AGAP1: variants seen among roughly 807,000 people sequenced by gnomAD.
The protein encoded by AGAP1 is arf-GAP with GTPase, ANK repeat and PH domain-containing protein 1.
Under a neutral mutation model 105.3 loss-of-function variants are expected in AGAP1, and 29 were observed. The ratio of observed to expected loss-of-function variants is 0.28; its 90% confidence interval spans 0.21 to 0.38. AGAP1 has a LOEUF of 0.38. Among genes scored for constraint, AGAP1 ranks in the 10% least tolerant of loss-of-function variants. The pLI is 1.00. For synonymous variants in AGAP1, 509 were observed against 485.9 expected (o/e 1.05, Z -0.63); for missense variants, 998 against 1,165.1 (o/e 0.86, Z 2.09).
At chr2:236,074,120 A>G (rs564956664) in intron 16 of AGAP1, among the ~76,000 whole-genome samples, 15 of 152,176 alleles carry the variant, frequency 9.9e-5, no homozygotes, top group Non-Finnish European at 1.0e-4. Context: ...AGGTTTCTCC[A>G]TTGCATACCA....
rs1336312810 is a variant in AGAP1, at chr2:235,717,585, A to G, written c.251A>G (p.Lys84Arg). The G allele has an allele frequency of 6.2e-7, 1 of 1,603,332 alleles. No individual in the cohort carries two copies. The highest frequency in any genetic ancestry group is 1.3e-5 in the African/African-American group (1 of 74,458). ...VGIVGNLASGKSALVHRYLTG... is the reference protein window; with the variant it reads ...VGIVGNLASGRSALVHRYLTG... ...ATTGTGGGTAACTTGGCCAGCGGCA[A>G]GTCTGCCCTGGTGCACCGGTACCTG... The change falls in exon 3 of 18, where the codon AAG becomes AGG. Residue 84 changes from lysine (K) to arginine (R), a missense_variant. By Grantham distance (26) the Lys-to-Arg change is conservative (BLOSUM62 2). Around this residue, in one of 3 missense-constraint regions of AGAP1, gnomAD observed 735 missense variants for 833.4 expected, o/e 0.88. Transcript: ENST00000304032.
rs571098797 is a variant in AGAP1, at chr2:235,825,284, T to C, written c.1050+17953T>C. On this transcript the variant is annotated intron_variant, in intron 9 of 17. Transcript: ENST00000304032. The stretch of plus-strand genomic sequence containing the variant: ...AATGTGAAAGATGCAGAAACCGTTA[T>C]CCTTTTGAATTTCCAGTGGAAGATC... Among the ~76,000 whole-genome samples, 31 of 152,340 alleles carry C rather than the reference T, an allele frequency of 2.0e-4. 1 individual carries two copies. In the South Asian group the frequency reaches 6.0e-3, roughly 30 times the overall value.
rs138158033 is a variant in AGAP1 at position 235,659,419 on chromosome 2, C to T, written c.164-49760C>T. ...TTGGCTTTGGTGCACTGGGAAGGGG[C>T]GTCAGCTGGGCAGGCTGAGCCTGTC... On this transcript the variant is annotated intron_variant, in intron 1 of 17. Coordinates refer to ENST00000304032, the MANE Select transcript of AGAP1 (RefSeq NM_001037131.3). The surrounding 1 kb of genome is among the most constrained non-coding windows in gnomAD (Gnocchi z 5.0). 3.3e-4 allele frequency among the ~76,000 whole-genome samples: 50 copies of T among 152,272 alleles called. No individual in the cohort carries two copies. The East Asian group carries it at 4.1e-3, about 12-fold the overall frequency.
chr2:235,944,872 A>G (rs2053419092), intron 12 of AGAP1, among the ~76,000 whole-genome samples: 1 of 152,098 alleles, frequency 6.6e-6, no homozygotes, highest in Non-Finnish European at 1.5e-5. Context: ...TTATCATCCT[A>G]CACCACCTTC....
At chr2:236,079,021 G>T (rs967148002) in intron 16 of AGAP1, among the ~76,000 whole-genome samples, 4 of 145,578 alleles carry the variant, frequency 2.7e-5, no homozygotes, top group African/African-American at 1.0e-4. Context: ...CGGGGCTGGG[G>T]TGTAGGAGGT....
rs1246208780 is a variant in AGAP1, at chr2:235,843,094, G to C, written c.1050+35763G>C. 6.6e-6 allele frequency among the ~76,000 whole-genome samples: 1 copy of C among 152,178 alleles called. No homozygotes were observed. The highest frequency in any genetic ancestry group is 1.9e-4 in the East Asian group (1 of 5,186). ...ATGAAACAGAAGTGCTCATTGTCCT[G>C]TTGCCACCCTTGTCGGTTTTTCACC... On this transcript the variant is annotated intron_variant, in intron 9 of 17. Transcript: ENST00000304032. The surrounding 1 kb of genome is among the most constrained non-coding windows in gnomAD (Gnocchi z 5.9).
intron 9 of AGAP1, among the ~76,000 whole-genome samples, chr2:235,841,137 G>A (rs372957753): frequency 2.6e-4 from 40 of 152,258 alleles, no homozygotes; most frequent in African/African-American, 8.4e-4. Context: ...TGAACGATGA[G>A]CAGGAGGGAG....
At chr2:235,748,507 C>T (rs899093055) in intron 5 of AGAP1, among the ~76,000 whole-genome samples, 1 of 152,146 alleles carries the variant, frequency 6.6e-6, no homozygotes, top group Non-Finnish European at 1.5e-5. Flanking sequence ...GACGAGGTGC[C>T]CTTTGACCGT....
chr2:236,116,188 C>G (rs2059765850), intron 16 of AGAP1, among the ~76,000 whole-genome samples: 1 of 152,182 alleles, frequency 6.6e-6, no homozygotes, highest in Admixed American at 6.5e-5. Flanking sequence ...TCTTGGCTCA[C>G]TGCATCCTCC....
Position 235,973,750 on chromosome 2 carries a change from C to T in AGAP1, c.1645+5127C>T, listed in dbSNP as rs2054748278. On this transcript the variant is annotated intron_variant, in intron 13 of 17. Coordinates refer to ENST00000304032, the MANE Select transcript of AGAP1 (RefSeq NM_001037131.3). This position sits in a 1 kb window ranked among gnomAD's most constrained non-coding sequence, Gnocchi z 4.7. ...AAAGCTCTAGAAAAAGCTCTACGAA[C>T]CAGGGCCACCTGAGAGGGAGTGACC... 6.6e-6 allele frequency among the ~76,000 whole-genome samples: 1 copy of T among 152,186 alleles called. No individual in the cohort carries two copies. Among genetic ancestry groups the T allele is most frequent in the Non-Finnish European group, 1.5e-5 (1 of 68,042 alleles).
chr2:235,766,122 T>C (rs1954931114), intron 6 of AGAP1, among the ~76,000 whole-genome samples: 1 of 152,252 alleles, frequency 6.6e-6, no homozygotes, highest in African/African-American at 2.4e-5. Context: ...AACTTGGTAG[T>C]GAGCTAAAAT....
rs1957509093 is a variant in AGAP1 at position 235,801,805 on chromosome 2, ACTCATT to A, written c.957+2288_957+2293del. 6.6e-6 allele frequency among the ~76,000 whole-genome samples: 1 copy of A among 151,562 alleles called. No individual in the cohort carries two copies. The highest frequency in any genetic ancestry group is 6.6e-5 in the Admixed American group (1 of 15,226). On this transcript the variant is annotated intron_variant, in intron 8 of 17. Coordinates refer to ENST00000304032, the MANE Select transcript of AGAP1 (RefSeq NM_001037131.3). This position sits in a 1 kb window ranked among gnomAD's most constrained non-coding sequence, Gnocchi z 6.0. ...GTTAAGGGAGTGGAAGGGGGAGAGC[ACTCATT>A]CTCAGACGCCTTCTGAGGGCCACAT...
intron 13 of AGAP1, among the ~76,000 whole-genome samples, chr2:236,006,243 G>C (rs2056318775): frequency 6.6e-6 from 1 of 152,060 alleles, no homozygotes; most frequent in Non-Finnish European, 1.5e-5. Flanking sequence ...TCTTTTGTTT[G>C]AGCACTTTCC....
chr2:235,758,640 TCATATTTGAA>T (rs1383008783), intron 6 of AGAP1, among the ~76,000 whole-genome samples: 2 of 152,166 alleles, frequency 1.3e-5, no homozygotes, highest in Non-Finnish European at 2.9e-5. Context: ...TTAAGGGGGT[TCATATTTGAA>T]CATTTTCTGA....
intron 10 of AGAP1, among the ~76,000 whole-genome samples, chr2:235,899,026 G>A (rs114372926): frequency 1.1e-4 from 16 of 152,254 alleles, no homozygotes; most frequent in African/African-American, 1.7e-4. Flanking sequence ...GCAATGCATG[G>A]GAAAAATACG....
intron 16 of AGAP1, among the ~76,000 whole-genome samples, chr2:236,066,477 C>T (rs1418989660): frequency 6.6e-6 from 1 of 152,132 alleles, no homozygotes; most frequent in Non-Finnish European, 1.5e-5. Context: ...CCACCCGCGT[C>T]GGCCTCCCAA....
chr2:236,047,116 G>A (rs1489642874), intron 15 of AGAP1, among the ~76,000 whole-genome samples: 1 of 151,552 alleles, frequency 6.6e-6, no homozygotes, highest in Admixed American at 6.6e-5. Flanking sequence ...CTCAAAAAAA[G>A]AGTAGTACTC....
At position 235,773,919 on chromosome 2, in the gene AGAP1, C is replaced by T. The variant is rs116430303; in HGVS notation, c.673+23431C>T. 2,728 of 462,928 alleles carry T rather than the reference C, an allele frequency of 5.9e-3. 54 individuals carry two copies. Among genetic ancestry groups the T allele is most frequent in the African/African-American group, 0.051 (2,530 of 49,610 alleles). The allele number at this position is 462,928 out of a possible 1,614,324, so 28.7% of individuals were successfully genotyped here. A position where few individuals can be genotyped will look rare whatever the true frequency, so the allele number is the denominator to read the frequency against. Reference sequence around the variant, plus strand: ...TTCTTTTCTTGCTTGAGATATTTTACGTTTGAAGACAATCAACTCTTCATC... The same window carrying T: ...TTCTTTTCTTGCTTGAGATATTTTATGTTTGAAGACAATCAACTCTTCATC... On this transcript the variant is annotated intron_variant, in intron 6 of 17. Coordinates refer to ENST00000304032, the MANE Select transcript of AGAP1 (RefSeq NM_001037131.3).
chr2:235,685,727 C>A (rs140443853), intron 1 of AGAP1, among the ~76,000 whole-genome samples: 326 of 152,102 alleles, frequency 2.1e-3, no homozygotes, highest in African/African-American at 7.3e-3. Flanking sequence ...CTCCAGAGCT[C>A]TGTGAACCCC....
Sources: gnomAD v4.1 joint callset for allele counts (sites outside exome capture counted in the v4.1 genomes callset) on GRCh38, gnomAD v4.1.1 for gene constraint, gnomAD v4.1.1 regional missense constraint, Gnocchi (gnomAD v3.1) non-coding constraint, MANE v1.5 for transcripts, NCBI Gene and HGNC (gene_info 2026-07-23, HGNC 2026-07-21) for gene names.